The following SDK1 variants were observed in gnomAD, a reference collection of about 807,000 sequenced individuals.
SDK1 encodes the protein protein sidekick-1.
Under a neutral mutation model 245.5 loss-of-function variants are expected in SDK1, and 157 were observed. That is an observed-to-expected ratio of 0.64 (90% CI 0.56 to 0.73). The LOEUF is 0.73. SDK1 is among the 30% of genes least tolerant of loss of function. The probability of loss-of-function intolerance (pLI) is 0.00; values close to 1 mark genes in which losing one functional copy is unlikely to be tolerated. For missense variants in SDK1, 3,583 were observed against 3,002.3 expected (o/e 1.19, Z -4.52); for synonymous variants, 1,647 against 1,278.5 (o/e 1.29, Z -6.15).
At chr7:4,111,671 CTTACCATGTGAAATTAACTGAAGCTATAT>C (rs1783360494) in intron 23 of SDK1, among the ~76,000 whole-genome samples, 1 of 152,166 alleles carries the variant, frequency 6.6e-6, no homozygotes, top group South Asian at 2.1e-4. Context: ...GGATTCAAGA[CTTACCATGTGAAATTAACTGAAGCTATAT>C]AGTTATTTCA....
intron 4 of SDK1, among the ~76,000 whole-genome samples, chr7:3,695,427 C>G (rs1055275089): frequency 6.6e-6 from 1 of 152,176 alleles, no homozygotes; most frequent in African/African-American, 2.4e-5. Context: ...TAAGCATTTT[C>G]TCATGTCTTC....
intron 4 of SDK1, among the ~76,000 whole-genome samples, chr7:3,655,170 A>G (rs532329208): frequency 4.4e-4 from 66 of 151,716 alleles, no homozygotes; most frequent in Admixed American, 1.1e-3. Flanking sequence ...CAGGTGACTC[A>G]CACCTGTAAT....
intron 12 of SDK1, 108 bp from the exon 13 acceptor site, chr7:3,974,261 A>T (rs972866394): frequency 1.2e-6 from 1 of 829,270 alleles, no homozygotes; most frequent in Non-Finnish European, 1.9e-6. Flanking sequence ...GTGGTTTTTA[A>T]AGTCCATTCA....
intron 17 of SDK1, 109 bp from the exon 18 acceptor site, chr7:4,049,239 A>C: frequency 1.3e-6 from 1 of 744,486 alleles, no homozygotes; most frequent in East Asian, 2.7e-5. Flanking sequence ...GTCTCAGTGC[A>C]ATAATTGCCT....
At chr7:3,961,911 A>G (rs970334174) in intron 8 of SDK1, among the ~76,000 whole-genome samples, 3 of 152,174 alleles carry the variant, frequency 2.0e-5, no homozygotes, top group South Asian at 4.1e-4. Context: ...GCACATATAC[A>G]TACACAGATG....
At chr7:3,859,255 A>G (rs1272459572) in intron 5 of SDK1, among the ~76,000 whole-genome samples, 1 of 152,100 alleles carries the variant, frequency 6.6e-6, no homozygotes, top group Non-Finnish European at 1.5e-5. Flanking sequence ...CCACCTGCCT[A>G]GCTGGGAGGC....
rs1266950408 is a variant in SDK1 at position 3,967,385 on chromosome 7, A to C, written c.1497A>C (p.Leu499=). The C allele has an allele frequency of 1.2e-6, 2 of 1,614,140 alleles. No homozygotes were observed. Among genetic ancestry groups the C allele is most frequent in the Admixed American group, 3.3e-5 (2 of 60,026 alleles). ...TTVTDGMTAI[L]RCEVSGAPKP... ...TTACTGACGGGATGACAGCCATTCT[A>C]AGGTGTGAGGTGTCCGGGGCTCCCA... The change falls in exon 10 of 45, where the codon CTA becomes CTC. Residue 499 remains leucine, a synonymous_variant. Transcript: ENST00000404826.
intron 1 of SDK1, among the ~76,000 whole-genome samples, chr7:3,540,605 G>C (rs1779027904): frequency 6.6e-6 from 1 of 152,214 alleles, no homozygotes. Context: ...CTATGGGGAA[G>C]TCAGAGAACA....
At chr7:4,197,303 A>AAAAAAGAAAAAG (rs60173501) in intron 35 of SDK1, among the ~76,000 whole-genome samples, 1 of 149,874 alleles carries the variant, frequency 6.7e-6, no homozygotes, top group Non-Finnish European at 1.5e-5. Context: ...TCTCTGAAAA[A>AAAAAAGAAAAAG]AAAAAGAAAA....
intron 1 of SDK1, among the ~76,000 whole-genome samples, chr7:3,425,152 GAACTACAAA>G (rs1779641024): frequency 6.8e-6 from 1 of 146,964 alleles, no homozygotes; most frequent in Non-Finnish European, 1.5e-5. Flanking sequence ...CAAATTGTAA[GAACTACAAA>G]ACTGAAAATT....
intron 5 of SDK1, among the ~76,000 whole-genome samples, chr7:3,841,655 C>T (rs1056605140): frequency 6.6e-6 from 1 of 152,002 alleles, no homozygotes; most frequent in Non-Finnish European, 1.5e-5. Context: ...CAACCTTCGC[C>T]TCCTGGGTTC....
intron 1 of SDK1, among the ~76,000 whole-genome samples, chr7:3,387,895 T>G (rs1342096174): frequency 1.3e-5 from 2 of 152,202 alleles, no homozygotes; most frequent in Non-Finnish European, 2.9e-5. Context: ...AATATTATAA[T>G]CCTTATTTGA....
chr7:4,237,807 G>A lies in SDK1; in HGVS notation c.6130+23G>A, dbSNP rs180956308. On this transcript the variant is annotated intron_variant, in intron 42 of 44. Coordinates refer to ENST00000404826, the MANE Select transcript of SDK1 (RefSeq NM_152744.4). Reference sequence around the variant, plus strand: ...CAGGTGCAGGTCCAGCCCCTTCCTCGCGTGTCCCACGATGCCACTCAGCCA... The same window carrying A: ...CAGGTGCAGGTCCAGCCCCTTCCTCACGTGTCCCACGATGCCACTCAGCCA... 995 of 1,613,322 alleles carry A rather than the reference G, an allele frequency of 6.2e-4. 6 individuals are homozygous for A. The African/African-American group carries it at 0.011, about 19-fold the overall frequency.
chr7:4,145,351 C>T (rs1048025189), intron 28 of SDK1, among the ~76,000 whole-genome samples: 4 of 152,080 alleles, frequency 2.6e-5, no homozygotes, highest in East Asian at 1.9e-4. Flanking sequence ...AAGAGAGCGA[C>T]GGGGAGAGCC....
At position 3,730,855 on chromosome 7, in the gene SDK1, G is replaced by C. The variant is rs190939197; in HGVS notation, c.713+88750G>C. ...ACCACACTCTGGCCTTGAAGATTCT[G>C]CTTTGGCTCCCAGACTAGAGACCCT... On this transcript the variant is annotated intron_variant, in intron 4 of 44. Coordinates refer to ENST00000404826, the MANE Select transcript of SDK1 (RefSeq NM_152744.4). Among the ~76,000 whole-genome samples the C allele has an allele frequency of 2.0e-5, 3 of 152,220 alleles. No homozygotes were observed. The East Asian group carries it at 5.8e-4, about 29-fold the overall frequency.
At chr7:4,175,450 G>C (rs1782138576) in intron 33 of SDK1, among the ~76,000 whole-genome samples, 1 of 152,230 alleles carries the variant, frequency 6.6e-6, no homozygotes, top group African/African-American at 2.4e-5. Flanking sequence ...CCTGCCCCGG[G>C]GTGACCGGGA....
intron 1 of SDK1, among the ~76,000 whole-genome samples, chr7:3,492,290 C>T (rs537654374): frequency 6.6e-6 from 1 of 152,124 alleles, no homozygotes; most frequent in African/African-American, 2.4e-5. Context: ...CAGAGTAGAT[C>T]GAGACCATCC....
chr7:3,866,273 C>A (rs1373366876), intron 5 of SDK1, among the ~76,000 whole-genome samples: 2 of 152,126 alleles, frequency 1.3e-5, no homozygotes, highest in African/African-American at 2.4e-5. Flanking sequence ...ACTGGAGAGG[C>A]CCCATTCCAG....
At position 3,808,293 on chromosome 7, in the gene SDK1, A is replaced by G. The variant is rs755502180; in HGVS notation, c.714-13157A>G. Among the ~76,000 whole-genome samples the G allele has an allele frequency of 3.9e-5, 6 of 152,290 alleles. No homozygotes were observed. In the East Asian group the frequency reaches 9.7e-4, roughly 25 times the overall value. On this transcript the variant is annotated intron_variant, in intron 4 of 44. Coordinates refer to ENST00000404826, the MANE Select transcript of SDK1 (RefSeq NM_152744.4). ...ATGGTGCCCCTTCTGAGAAGTGACA[A>G]ACAACTCCAGGTGGTGGTTGAGTGA...
Sources: allele counts gnomAD v4.1 joint callset (sites outside exome capture counted in the v4.1 genomes callset), GRCh38; gene constraint gnomAD v4.1.1; transcripts MANE v1.5; gene names NCBI Gene and HGNC (gene_info 2026-07-23, HGNC 2026-07-21).